KIAA1217: variants seen among roughly 807,000 people sequenced by gnomAD.
KIAA1217 encodes KIAA1217.
KIAA1217 carries 88 observed loss-of-function variants against 163.9 expected under a neutral mutation model. The observed-to-expected ratio is 0.54, with a 90% CI of 0.45 to 0.64. The LOEUF is 0.64. Ranked by LOEUF, KIAA1217 falls within the 30% of genes least tolerant of loss-of-function variation. The probability of loss-of-function intolerance (pLI) is 0.00; values close to 1 mark genes in which losing one functional copy is unlikely to be tolerated. For synonymous variants in KIAA1217, 903 were observed against 923.1 expected, an observed-to-expected ratio of 0.98 and a Z score of 0.39; for missense variants, 2,372 against 2,475.0, an observed-to-expected ratio of 0.96 and a Z score of 0.88.
intron 6 of KIAA1217, among the ~76,000 whole-genome samples, chr10:24,480,501 C>A (rs1437950813): frequency 1.3e-5 from 2 of 152,186 alleles, no homozygotes; most frequent in Non-Finnish European, 2.9e-5. Context: ...GCAGATGGGA[C>A]CTTTGACAAA....
At chr10:24,349,522 A>G (rs573003337) in intron 2 of KIAA1217, among the ~76,000 whole-genome samples, 4 of 152,220 alleles carry the variant, frequency 2.6e-5, no homozygotes, top group South Asian at 2.1e-4. Context: ...CTGAGCCTCA[A>G]TCAGGCCATT....
chr10:23,986,448 C>A (rs1202031625), intron 1 of KIAA1217, among the ~76,000 whole-genome samples: 2 of 152,186 alleles, frequency 1.3e-5, no homozygotes, highest in East Asian at 3.8e-4. Context: ...ATAACCTATG[C>A]ATGTCATCTG....
intron 5 of KIAA1217, among the ~76,000 whole-genome samples, chr10:24,458,518 G>A (rs1329296317): frequency 6.6e-6 from 1 of 152,126 alleles, no homozygotes; most frequent in Non-Finnish European, 1.5e-5. Flanking sequence ...CTCCTTTGAA[G>A]AGGATTCAAA....
intron 2 of KIAA1217, among the ~76,000 whole-genome samples, chr10:24,043,825 C>A (rs892189129): frequency 1.3e-5 from 2 of 151,988 alleles, no homozygotes; most frequent in African/African-American, 2.4e-5. Context: ...AAATGCTGAC[C>A]TTTTCATGGC....
At chr10:24,429,033 A>T (rs1430190396) in intron 3 of KIAA1217, among the ~76,000 whole-genome samples, 2 of 152,216 alleles carry the variant, frequency 1.3e-5, no homozygotes, top group African/African-American at 4.8e-5. Context: ...TGGCTACTAA[A>T]ATTCTAGCTG....
At chr10:23,982,983 T>G (rs1427750159) in intron 1 of KIAA1217, among the ~76,000 whole-genome samples, 2 of 152,076 alleles carry the variant, frequency 1.3e-5, no homozygotes, top group African/African-American at 4.8e-5. Context: ...TGGGATTGCC[T>G]AGCCTTGATC....
intron 2 of KIAA1217, among the ~76,000 whole-genome samples, chr10:24,038,866 C>A (rs1848505740): frequency 6.6e-6 from 1 of 151,316 alleles, no homozygotes; most frequent in African/African-American, 2.4e-5. Context: ...ATCCTCCTGC[C>A]TCAGCCTCTT....
At chr10:23,921,535 A>G (rs1842847339) in intron 1 of KIAA1217, among the ~76,000 whole-genome samples, 1 of 152,156 alleles carries the variant, frequency 6.6e-6, no homozygotes, top group Non-Finnish European at 1.5e-5. Context: ...AGCTTCACCA[A>G]ATATTTCTTA....
intron 2 of KIAA1217, among the ~76,000 whole-genome samples, chr10:24,199,768 C>G (rs1313353194): frequency 6.6e-6 from 1 of 152,022 alleles, no homozygotes; most frequent in Non-Finnish European, 1.5e-5. Flanking sequence ...TGTAAACTGA[C>G]CACGTGAATG....
chr10:24,533,456 C>G (rs1307558451), intron 16 of KIAA1217, among the ~76,000 whole-genome samples: 2 of 152,252 alleles, frequency 1.3e-5, no homozygotes, highest in Non-Finnish European at 2.9e-5. Flanking sequence ...TTTCACAAAA[C>G]AACTCACGCT....
chr10:23,993,376 G>A (rs1464236796), intron 1 of KIAA1217, among the ~76,000 whole-genome samples: 1 of 151,868 alleles, frequency 6.6e-6, no homozygotes, highest in Non-Finnish European at 1.5e-5. Flanking sequence ...TGACTAAACA[G>A]CAAGTCTTGA....
intron 2 of KIAA1217, among the ~76,000 whole-genome samples, chr10:24,256,666 G>A (rs771550999): frequency 5.3e-5 from 8 of 152,206 alleles, no homozygotes; most frequent in Non-Finnish European, 1.0e-4. Flanking sequence ...AGTAGAAACT[G>A]TTAGCAGTAG....
intron 2 of KIAA1217, among the ~76,000 whole-genome samples, chr10:24,012,005 GAA>G (rs1847255720): frequency 6.6e-6 from 1 of 151,968 alleles, no homozygotes; most frequent in Non-Finnish European, 1.5e-5. Flanking sequence ...TTTGACCAAG[GAA>G]AAATAAAAGG....
chr10:24,289,739 G>A (rs1273743970), intron 2 of KIAA1217, among the ~76,000 whole-genome samples: 3 of 152,218 alleles, frequency 2.0e-5, no homozygotes, highest in East Asian at 3.9e-4. Flanking sequence ...CTAGTAGGTA[G>A]TCTCAGTAAT....
At chr10:24,515,786 G>A (rs1379931661) in intron 10 of KIAA1217, among the ~76,000 whole-genome samples, 1 of 152,206 alleles carries the variant, frequency 6.6e-6, no homozygotes, top group African/African-American at 2.4e-5. Flanking sequence ...GAAATGGTTT[G>A]TTAGGCTGGG....
At chr10:24,355,622 G>A (rs760590757) in intron 2 of KIAA1217, among the ~76,000 whole-genome samples, 1 of 151,710 alleles carries the variant, frequency 6.6e-6, no homozygotes, top group Non-Finnish European at 1.5e-5. Context: ...TTGGGGTTGG[G>A]GGGCACTCAC....
At position 23,759,232 on chromosome 10, in the gene KIAA1217, T is replaced by C. The variant is rs12261998; in HGVS notation, c.-321+63998T>C. Among the ~76,000 whole-genome samples, 1,055 of 152,294 alleles carry C rather than the reference T, an allele frequency of 6.9e-3. 19 individuals carry two copies. The highest frequency in any genetic ancestry group is 0.024 in the African/African-American group (1,011 of 41,578). On this transcript the variant is annotated intron_variant, in intron 1 of 18. Coordinates refer to the KIAA1217 transcript ENST00000376462. ...TTACAGATTGTTAATTTTTAGTATA[T>C]AAAAATGCAAGTGTTTTTTGTGACT...
intron 15 of KIAA1217, among the ~76,000 whole-genome samples, chr10:24,532,320 T>G (rs1381989945): frequency 6.6e-6 from 1 of 152,154 alleles, no homozygotes; most frequent in Non-Finnish European, 1.5e-5. Flanking sequence ...GTAACTGAGG[T>G]GAGCTGACAC....
chr10:23,981,117 A>G (rs909032770), intron 1 of KIAA1217, among the ~76,000 whole-genome samples: 1 of 152,232 alleles, frequency 6.6e-6, no homozygotes, highest in Non-Finnish European at 1.5e-5. Flanking sequence ...TTACAAACAC[A>G]GAACATTTCT....
Sources: allele counts gnomAD v4.1 joint callset (sites outside exome capture counted in the v4.1 genomes callset), GRCh38; gene constraint gnomAD v4.1.1; transcripts MANE v1.5; gene names NCBI Gene and HGNC (gene_info 2026-07-23, HGNC 2026-07-21).